Variants in LAMP3 observed in about 807,000 individuals in gnomAD.
LAMP3 encodes the protein lysosome-associated membrane glycoprotein 3.
In LAMP3, 26 loss-of-function variants were observed where a neutral mutation model predicts 34.8. The observed-to-expected ratio is 0.75, with a 90% CI of 0.55 to 1.04. LAMP3 has a LOEUF of 1.04. Among genes scored for constraint, LAMP3 ranks in the 50% least tolerant of loss-of-function variants. LAMP3 has a pLI of 0.00. For missense variants in LAMP3, 495 were observed against 524.0 expected (o/e 0.94, Z 0.54); for synonymous variants, 180 against 201.9 (o/e 0.89, Z 0.92).
intron 1 of LAMP3, among the ~76,000 whole-genome samples, chr3:183,157,140 A>G (rs1011371933): frequency 6.6e-6 from 1 of 152,212 alleles, no homozygotes; most frequent in Non-Finnish European, 1.5e-5. Context: ...AATAGGAAAG[A>G]CCAAAGCACC....
chr3:183,149,721 T>C (rs1360155582), intron 3 of LAMP3, among the ~76,000 whole-genome samples: 1 of 151,462 alleles, frequency 6.6e-6, no homozygotes, highest in Non-Finnish European at 1.5e-5. Flanking sequence ...TGAGAGTATA[T>C]TTAGATTTTT....
At chr3:183,160,837 G>A (rs1720954712) in intron 1 of LAMP3, 1 of 152,162 alleles carries the variant, frequency 6.6e-6, no homozygotes, top group African/African-American at 2.4e-5. Flanking sequence ...AAGTAAAACG[G>A]AGACAATAGC....
rs765844764 is a variant in LAMP3, at chr3:183,140,529, A to G, written c.946+9T>C. 6.4e-7 allele frequency: 1 copy of G among 1,562,380 alleles called. No individual in the cohort carries two copies. On this transcript the variant is annotated intron_variant, in intron 4 of 5. Transcript: ENST00000265598. ...TGGCTGGTCGAATGGGCATTCTGTA[A>G]TTACTAACCTGGATCTGAGACGGTC...
At chr3:183,149,515 A>G (rs920697115) in intron 3 of LAMP3, among the ~76,000 whole-genome samples, 2 of 136,238 alleles carry the variant, frequency 1.5e-5, no homozygotes, top group Admixed American at 1.7e-4. Context: ...ACTGCACTCC[A>G]GCCTGGGTGA....
rs750659929 is a variant in LAMP3, at chr3:183,153,174, C to CAAAA, written c.759+504_759+507dup. Among the ~76,000 whole-genome samples the CAAAA allele has an allele frequency of 1.3e-3, 59 of 46,642 alleles. 2 individuals carry two copies. Among genetic ancestry groups the CAAAA allele is most frequent in the East Asian group, 7.0e-3 (12 of 1,720 alleles). 30.6% of individuals were successfully genotyped at this position (46,642 alleles called of 152,430 possible). On this transcript the variant is annotated intron_variant, in intron 2 of 5. Transcript: ENST00000265598. ...TGAGCAACAGAGCGAGACTCCGTCT[C>CAAAA]AAAAAAAAAAAAAAAAAAGAAAGAA...
chr3:183,142,648 T>C (rs1163256272), intron 3 of LAMP3, among the ~76,000 whole-genome samples: 2 of 152,178 alleles, frequency 1.3e-5, no homozygotes, highest in African/African-American at 4.8e-5. Flanking sequence ...CCCTACATTT[T>C]CCTCCATGGG....
chr3:183,162,577 C>A lies in LAMP3; in HGVS notation c.49+30G>T, dbSNP rs368545689. ...ATGAAAGGGGACCGACACGTCAGGG[C>A]CACCGCGGGAAGCGCTGAGGGCCAC... On this transcript the variant is annotated intron_variant, in intron 1 of 5. Coordinates refer to ENST00000265598, the MANE Select transcript of LAMP3 (RefSeq NM_014398.4). The A allele has an allele frequency of 1.2e-4, 181 of 1,546,556 alleles. No individual in the cohort carries two copies. The African/African-American group carries it at 2.2e-3, about 19-fold the overall frequency.
rs1560314886 is a variant in LAMP3 at position 183,153,712 on chromosome 3, C to T, written c.729G>A (p.Gly243=). The change falls in exon 2 of 6, where the codon GGG becomes GGA. Residue 243 remains glycine (G), a synonymous_variant. Transcript: ENST00000265598. ...CCTTGTCTTGAACAATCAGCTGTATCCCCATCTCTGCTTTTATACAGAGTC... is the reference window on the plus strand; with the variant it reads ...CCTTGTCTTGAACAATCAGCTGTATTCCCATCTCTGCTTTTATACAGAGTC... ...GSRLCIKAEM[G]IQLIVQDKES... is the part of the protein sequence containing the mutation. 4.6e-6 allele frequency: 7 copies of T among 1,527,196 alleles called. No homozygotes were observed. Among genetic ancestry groups the T allele is most frequent in the Non-Finnish European group, 6.1e-6 (7 of 1,139,256 alleles). The allele number at this position is 1,527,196 out of a possible 1,614,324, so 94.6% of individuals were successfully genotyped here. A position where few individuals can be genotyped will look rare whatever the true frequency, so the allele number is the denominator to read the frequency against.
chr3:183,135,604 C>T (rs1576872700), intron 5 of LAMP3, 113 bp downstream of exon 5: 1 of 1,020,572 alleles, frequency 9.8e-7, no homozygotes, highest in East Asian at 2.4e-5. Context: ...TCACACCATC[C>T]CAGGAAGCTC....
intron 1 of LAMP3, among the ~76,000 whole-genome samples, chr3:183,161,500 C>A (rs1468628953): frequency 6.6e-6 from 1 of 152,060 alleles, no homozygotes; most frequent in Non-Finnish European, 1.5e-5. Context: ...AAGTGATTCT[C>A]CTGCCTCAGT....
intron 4 of LAMP3, among the ~76,000 whole-genome samples, chr3:183,138,497 C>T (rs1045049437): frequency 6.6e-5 from 10 of 152,146 alleles, no homozygotes; most frequent in Admixed American, 6.5e-4. Context: ...ACTCTTAGTA[C>T]GGTACCTGGC....
At chr3:183,148,040 T>G (rs1018469191) in intron 3 of LAMP3, among the ~76,000 whole-genome samples, 3 of 152,102 alleles carry the variant, frequency 2.0e-5, no homozygotes, top group African/African-American at 4.8e-5. Flanking sequence ...AATGCAGAAA[T>G]TCAAAGGTGC....
chr3:183,124,074 G>C lies in LAMP3; in HGVS notation c.*7C>G. On this transcript the variant is annotated 3_prime_UTR_variant, in exon 6 of 6. Coordinates refer to ENST00000265598, the MANE Select transcript of LAMP3 (RefSeq NM_014398.4). Reference sequence around the variant, plus strand: ...ATTCCATTATTTTCATTCCCCCCGGGCAACAATTAGATTCTCTGGTATCCA... The same window carrying C: ...ATTCCATTATTTTCATTCCCCCCGGCCAACAATTAGATTCTCTGGTATCCA... The C allele has an allele frequency of 5.0e-6, 8 of 1,613,908 alleles. No individual in the cohort carries two copies. The highest frequency in any genetic ancestry group is 6.8e-6 in the Non-Finnish European group (8 of 1,179,866).
chr3:183,137,777 C>G (rs149811323), intron 4 of LAMP3, among the ~76,000 whole-genome samples: 8 of 152,006 alleles, frequency 5.3e-5, no homozygotes, highest in Admixed American at 5.2e-4. Context: ...TTTCCCACAC[C>G]CTCAGCTTTA....
intron 2 of LAMP3, among the ~76,000 whole-genome samples, chr3:183,153,183 A>G (rs1440570564): frequency 3.3e-5 from 5 of 151,630 alleles, no homozygotes; most frequent in Admixed American, 6.6e-5. Flanking sequence ...TCAAAAAAAA[A>G]AAAAAAAAAG....
intron 3 of LAMP3, among the ~76,000 whole-genome samples, chr3:183,145,798 A>G (rs1720423132): frequency 6.6e-6 from 1 of 152,224 alleles, no homozygotes; most frequent in Non-Finnish European, 1.5e-5. Flanking sequence ...CAGAGTTTGC[A>G]GTGAGCCGAA....
intron 4 of LAMP3, 22 bp from the exon 5 acceptor site, chr3:183,135,909 G>A (rs752076354): frequency 6.3e-7 from 1 of 1,591,388 alleles, no homozygotes; most frequent in South Asian, 1.1e-5. Flanking sequence ...ACAGATAGAT[G>A]CATAAGAGTC....
chr3:183,130,917 T>C (rs1576869331), intron 5 of LAMP3, among the ~76,000 whole-genome samples: 1 of 150,836 alleles, frequency 6.6e-6, no homozygotes, highest in Non-Finnish European at 1.5e-5. Context: ...CTTCTTAGGG[T>C]GAATGTGTGT....
intron 4 of LAMP3, among the ~76,000 whole-genome samples, chr3:183,140,206 A>G (rs1255514911): frequency 2.0e-5 from 3 of 152,104 alleles, no homozygotes; most frequent in African/African-American, 7.2e-5. Context: ...CAGGAGTTTG[A>G]GACCAGTCTC....
Sources: gnomAD v4.1 joint callset for allele counts (sites outside exome capture counted in the v4.1 genomes callset) on GRCh38, gnomAD v4.1.1 for gene constraint, MANE v1.5 for transcripts, NCBI Gene and HGNC (gene_info 2026-07-23, HGNC 2026-07-21) for gene names.